Variants in NCAM2 observed in about 807,000 individuals in gnomAD.
NCAM2 encodes the protein neural cell adhesion molecule 2.
Under a neutral mutation model 98.1 loss-of-function variants are expected in NCAM2, and 30 were observed. That is an observed-to-expected ratio of 0.31 (90% CI 0.23 to 0.41). The LOEUF (loss-of-function observed/expected upper bound fraction) is 0.41, where lower values mean the gene tolerates loss of function less well. Ranked by LOEUF, NCAM2 falls within the 10% of genes least tolerant of loss-of-function variation. The probability of loss-of-function intolerance (pLI) is 1.00; values close to 1 mark genes in which losing one functional copy is unlikely to be tolerated. For missense variants in NCAM2, 867 were observed against 1,005.8 expected, an observed-to-expected ratio of 0.86 and a Z score of 1.87; for synonymous variants, 368 against 342.4, an observed-to-expected ratio of 1.07 and a Z score of -0.83.
chr21:21,355,772 C>T (rs920779522), intron 8 of NCAM2, among the ~76,000 whole-genome samples: 10 of 151,708 alleles, frequency 6.6e-5, no homozygotes, highest in East Asian at 2.0e-4. Flanking sequence ...CGTGCCACCA[C>T]GCCTGGTTAA....
chr21:21,501,213 G>A (rs1987607398), intron 15 of NCAM2, among the ~76,000 whole-genome samples: 1 of 151,944 alleles, frequency 6.6e-6, no homozygotes, highest in Non-Finnish European at 1.5e-5. Flanking sequence ...TAGACTGCTT[G>A]CCTAACATAA....
intron 1 of NCAM2, among the ~76,000 whole-genome samples, chr21:21,204,752 G>T (rs572657777): frequency 2.6e-5 from 4 of 151,986 alleles, no homozygotes; most frequent in Non-Finnish European, 5.9e-5. Flanking sequence ...GAAAAATTGG[G>T]CTATTGCCAA....
intron 1 of NCAM2, among the ~76,000 whole-genome samples, chr21:21,199,204 T>C (rs1394439217): frequency 6.6e-6 from 1 of 152,192 alleles, no homozygotes; most frequent in Non-Finnish European, 1.5e-5. Flanking sequence ...ATTCAGGTTT[T>C]ATTAATGTCT....
intron 1 of NCAM2, among the ~76,000 whole-genome samples, chr21:21,170,562 G>A (rs2068089295): frequency 6.6e-6 from 1 of 152,136 alleles, no homozygotes; most frequent in South Asian, 2.1e-4. Flanking sequence ...TCCAGGGTTT[G>A]CAAGGGAAAG....
chr21:21,491,247 GA>G (rs1986822211), intron 15 of NCAM2, among the ~76,000 whole-genome samples: 1 of 151,534 alleles, frequency 6.6e-6, no homozygotes, highest in East Asian at 1.9e-4. Context: ...TAAAAACATC[GA>G]TCTCTAGTGG....
intron 16 of NCAM2, among the ~76,000 whole-genome samples, chr21:21,526,641 T>C (rs904056539): frequency 6.6e-6 from 1 of 152,074 alleles, no homozygotes; most frequent in South Asian, 2.1e-4. Context: ...GTTTATTACA[T>C]AGAGAGGCAA....
At chr21:21,147,121 G>GACCGCTGCCTTCTACT (rs2067302490) in intron 1 of NCAM2, 1 of 875,366 alleles carries the variant, frequency 1.1e-6, no homozygotes, top group African/African-American at 3.9e-5. Flanking sequence ...TGCCTTCTAA[G>GACCGCTGCCTTCTACT]CCAGCACTAG....
At chr21:21,297,937 TAAA>T (rs1363045101) in intron 5 of NCAM2, among the ~76,000 whole-genome samples, 1 of 151,758 alleles carries the variant, frequency 6.6e-6, no homozygotes, top group Non-Finnish European at 1.5e-5. Flanking sequence ...TGAGATTGGA[TAAA>T]AAACACCTAG....
chr21:21,264,789 T>TATTCCACTATATATATACATATATAC (rs2072073311), intron 1 of NCAM2, among the ~76,000 whole-genome samples: 2 of 139,126 alleles, frequency 1.4e-5, no homozygotes, highest in African/African-American at 5.2e-5. Flanking sequence ...TACATATATA[T>TATTCCACTATATATATACATATATAC]ATATTCCACT....
chr21:21,053,143 T>C (rs2065145300), intron 1 of NCAM2, among the ~76,000 whole-genome samples: 1 of 148,654 alleles, frequency 6.7e-6, no homozygotes, highest in Non-Finnish European at 1.5e-5. Flanking sequence ...GAATTAAGTA[T>C]TATGGTAATA....
At chr21:21,170,819 A>G (rs996800117) in intron 1 of NCAM2, among the ~76,000 whole-genome samples, 13 of 139,090 alleles carry the variant, frequency 9.3e-5, no homozygotes, top group African/African-American at 3.0e-4. Context: ...TCACTGTGGC[A>G]TAGGGTGTTC....
intron 8 of NCAM2, among the ~76,000 whole-genome samples, chr21:21,356,890 T>C (rs537411340): frequency 6.6e-6 from 1 of 152,078 alleles, no homozygotes; most frequent in Non-Finnish European, 1.5e-5. Context: ...CTCCGAAGGC[T>C]GAGGCAGGAG....
At chr21:21,375,434 C>A (rs1337837961) in intron 9 of NCAM2, among the ~76,000 whole-genome samples, 1 of 151,658 alleles carries the variant, frequency 6.6e-6, no homozygotes, top group African/African-American at 2.4e-5. Context: ...TATTAGGCAG[C>A]TTCTAAGAAA....
chr21:21,068,139 T>C (rs978276833), intron 1 of NCAM2, among the ~76,000 whole-genome samples: 22 of 143,428 alleles, frequency 1.5e-4, no homozygotes, highest in Non-Finnish European at 2.6e-4. Context: ...TTTTTTCTTT[T>C]TTTTTTTTTT....
At chr21:21,053,061 A>G (rs948606334) in intron 1 of NCAM2, among the ~76,000 whole-genome samples, 4 of 151,128 alleles carry the variant, frequency 2.6e-5, no homozygotes, top group African/African-American at 7.3e-5. Flanking sequence ...TGAATAGTTG[A>G]AAAAAAAAGC....
intron 1 of NCAM2, among the ~76,000 whole-genome samples, chr21:21,076,431 A>G (rs1165222870): frequency 6.6e-6 from 1 of 152,136 alleles, no homozygotes; most frequent in Non-Finnish European, 1.5e-5. Flanking sequence ...AATTTTTTTA[A>G]CTATGTTCTT....
intron 13 of NCAM2, among the ~76,000 whole-genome samples, chr21:21,468,151 G>A (rs927085844): frequency 8.6e-5 from 13 of 151,828 alleles, no homozygotes; most frequent in African/African-American, 2.9e-4. Context: ...TATAAAATTG[G>A]ATACTGCAAA....
At chr21:21,091,818 T>G (rs778496520) in intron 1 of NCAM2, among the ~76,000 whole-genome samples, 1 of 152,218 alleles carries the variant, frequency 6.6e-6, no homozygotes, top group Non-Finnish European at 1.5e-5. Context: ...TAATTAAGTT[T>G]CAATATTAGA....
chr21:21,425,365 C>T (rs2077194590), intron 11 of NCAM2, among the ~76,000 whole-genome samples: 1 of 151,948 alleles, frequency 6.6e-6, no homozygotes, highest in South Asian at 2.1e-4. Flanking sequence ...AAATTTTTTT[C>T]TGGCTCATAA....
Sources: allele counts gnomAD v4.1 joint callset (sites outside exome capture counted in the v4.1 genomes callset), GRCh38; gene constraint gnomAD v4.1.1; transcripts MANE v1.5; gene names NCBI Gene and HGNC (gene_info 2026-07-23, HGNC 2026-07-21).